The following NME9 variants were observed in gnomAD, a reference collection of about 807,000 sequenced individuals.
NME9 encodes NME/NM23 family member 9.
In NME9, 48 loss-of-function variants were observed where a neutral mutation model predicts 44.4. That is an observed-to-expected ratio of 1.08 (90% confidence interval 0.86 to 1.37). The LOEUF (loss-of-function observed/expected upper bound fraction) is 1.37, where lower values mean the gene tolerates loss of function less well. NME9 is among the 40% of genes most tolerant of loss of function. The pLI is 0.00. For missense variants in NME9, 325 were observed against 405.2 expected, an observed-to-expected ratio of 0.80 and a Z score of 1.70; for synonymous variants, 139 against 147.1, an observed-to-expected ratio of 0.94 and a Z score of 0.40.
intron 6 of NME9, among the ~76,000 whole-genome samples, chr3:138,312,528 G>A (rs1039524855): frequency 1.3e-5 from 2 of 152,152 alleles, no homozygotes; most frequent in African/African-American, 4.8e-5. Context: ...TCAATAAATG[G>A]TGCTGGTTAA....
chr3:138,309,315 A>AG lies in NME9; in HGVS notation c.461-2836dup, dbSNP rs1491235152. Among the ~76,000 whole-genome samples the AG allele has an allele frequency of 3.3e-5, 5 of 151,316 alleles. No individual in the cohort carries two copies. The East Asian group carries it at 9.7e-4, about 29-fold the overall frequency. ...CTTCATCTCAAACAAAAAAAAAAAA[A>AG]GAAGGAATGCCTAAGGAAATCTTTA... On this transcript the variant is annotated intron_variant, in intron 6 of 10. Transcript: ENST00000333911.
intron 8 of NME9, chr3:138,272,930 G>A (rs1560026710): frequency 1.4e-6 from 2 of 1,440,374 alleles, no homozygotes; most frequent in Middle Eastern, 3.6e-4. Flanking sequence ...TAAAGTAAAT[G>A]TAGACATGAT....
chr3:138,318,346 C>T, intron 3 of NME9, 127 bp from the exon 4 acceptor site: 2 of 696,108 alleles, frequency 2.9e-6, no homozygotes, highest in Non-Finnish European at 2.6e-6. Flanking sequence ...CCCCGATTTG[C>T]TCTCATGCTG....
At chr3:138,327,321 T>A (rs918304752) in intron 1 of NME9, among the ~76,000 whole-genome samples, 1 of 152,082 alleles carries the variant, frequency 6.6e-6, no homozygotes, top group African/African-American at 2.4e-5. Flanking sequence ...ACTACAGTCC[T>A]GAGGAAGGTG....
rs764803598 is a variant in NME9, at chr3:138,301,108, T to C, written c.*532A>G. On this transcript the variant is annotated 3_prime_UTR_variant, in exon 11 of 11. Coordinates refer to ENST00000333911, the MANE Select transcript of NME9 (RefSeq NM_001349018.2). Reference sequence around the variant, plus strand: ...ACAGGATGTAATAACTGATGTTCAATTATTTTGTAAAATCCCAAAGACAGA... The same window carrying C: ...ACAGGATGTAATAACTGATGTTCAACTATTTTGTAAAATCCCAAAGACAGA... 4.1e-6 allele frequency: 4 copies of C among 974,876 alleles called. No homozygotes were observed. Among genetic ancestry groups the C allele is most frequent in the Non-Finnish European group, 4.9e-6 (4 of 820,300 alleles). The allele number at this position is 974,876 out of a possible 1,614,324, so 60.4% of individuals were successfully genotyped here.
downstream of NME9, chr3:138,297,191 C>G (rs905867736): frequency 2.0e-5 from 3 of 152,148 alleles, no homozygotes; most frequent in African/African-American, 7.2e-5. Context: ...TAAAAGCACT[C>G]AAGTTGAGAG....
intron 8 of NME9, among the ~76,000 whole-genome samples, chr3:138,276,588 G>A (rs973429398): frequency 6.6e-6 from 1 of 152,186 alleles, no homozygotes; most frequent in Non-Finnish European, 1.5e-5. Flanking sequence ...GTTAAGCAAG[G>A]TCACAAGATA....
chr3:138,291,047 C>G (rs1443642142), intron 8 of NME9, among the ~76,000 whole-genome samples: 1 of 152,218 alleles, frequency 6.6e-6, no homozygotes, highest in African/African-American at 2.4e-5. Flanking sequence ...ACAAAAGCTA[C>G]CACTAAGGAA....
At chr3:138,287,510 G>C (rs1336532285) in intron 8 of NME9, 2 of 360,006 alleles carry the variant, frequency 5.6e-6, no homozygotes, top group Non-Finnish European at 1.1e-5. Context: ...ATTGAATGAT[G>C]AATAAACTTA....
chr3:138,262,618 G>A, intron 8 of NME9: 13 of 1,540,038 alleles, frequency 8.4e-6, no homozygotes, highest in African/African-American at 1.4e-5. Flanking sequence ...AAAAAATTTA[G>A]GTGCCTAGCC....
chr3:138,284,337 G>A (rs956475767), intron 8 of NME9: 3 of 861,444 alleles, frequency 3.5e-6, no homozygotes, highest in Admixed American at 1.9e-5. Flanking sequence ...GAGAATCCAT[G>A]TACCTTCAAG....
At chr3:138,312,911 A>C (rs949470552) in intron 6 of NME9, among the ~76,000 whole-genome samples, 2 of 152,228 alleles carry the variant, frequency 1.3e-5, no homozygotes, top group African/African-American at 4.8e-5. Flanking sequence ...CTTAAAAGCA[A>C]AAAGAAAAAT....
chr3:138,298,042 T>C (rs564288632), downstream of NME9: 5 of 152,370 alleles, frequency 3.3e-5, no homozygotes, highest in East Asian at 7.7e-4. Context: ...TTAACTTTTC[T>C]GATTTGAATG....
At chr3:138,263,992 A>G (rs987217394) in intron 8 of NME9, 3 of 956,028 alleles carry the variant, frequency 3.1e-6, no homozygotes, top group Non-Finnish European at 3.3e-6. Context: ...TCCAAACCCC[A>G]TAAAGTGGTC....
rs2053682178 is a variant in NME9 at position 138,324,853 on chromosome 3, G to C, written c.91+20C>G. ...ATTTAGAAAAGAATGGATCTAAAAA[G>C]TTATTTTACTTTGAATTACCAGTTA... is the stretch of plus-strand genomic sequence containing the variant. On this transcript the variant is annotated intron_variant, in intron 2 of 10. Transcript: ENST00000333911. 6.3e-7 allele frequency: 1 copy of C among 1,586,858 alleles called. No homozygotes were observed. Among genetic ancestry groups the C allele is most frequent in the African/African-American group, 1.3e-5 (1 of 74,356 alleles).
At chr3:138,328,801 T>C (rs1286163634) in intron 1 of NME9, among the ~76,000 whole-genome samples, 1 of 152,154 alleles carries the variant, frequency 6.6e-6, no homozygotes, top group Non-Finnish European at 1.5e-5. Flanking sequence ...GTCCAGCACA[T>C]AATATATCTC....
At chr3:138,291,860 A>C (rs995064079) in intron 8 of NME9, among the ~76,000 whole-genome samples, 2 of 152,176 alleles carry the variant, frequency 1.3e-5, no homozygotes, top group African/African-American at 4.8e-5. Flanking sequence ...GCTAATGAAA[A>C]ATATGGAGAG....
chr3:138,274,925 G>A (rs1026701035), intron 8 of NME9, among the ~76,000 whole-genome samples: 4 of 152,170 alleles, frequency 2.6e-5, no homozygotes, highest in East Asian at 1.9e-4. Context: ...AAATTCCTGC[G>A]ACTCGCTGAT....
chr3:138,282,444 G>A (rs1255295322), intron 8 of NME9, among the ~76,000 whole-genome samples: 2 of 151,974 alleles, frequency 1.3e-5, no homozygotes, highest in Non-Finnish European at 2.9e-5. Flanking sequence ...TCAGGAGTTC[G>A]AGACCAGCCT....
Sources: allele counts gnomAD v4.1 joint callset (sites outside exome capture counted in the v4.1 genomes callset), GRCh38; gene constraint gnomAD v4.1.1; transcripts MANE v1.5; gene names NCBI Gene and HGNC (gene_info 2026-07-23, HGNC 2026-07-21).